Variants in RASGRP2 observed in about 807,000 individuals in gnomAD.
RASGRP2 encodes RAS guanyl-releasing protein 2.
A neutral mutation model predicts 71.0 loss-of-function variants in RASGRP2; 44 were observed. That is an observed-to-expected ratio of 0.62 (90% CI 0.49 to 0.80). The LOEUF (loss-of-function observed/expected upper bound fraction) is 0.80, where lower values mean the gene tolerates loss of function less well. Ranked by LOEUF, RASGRP2 falls within the 30% of genes least tolerant of loss-of-function variation. RASGRP2 has a pLI of 0.00. For synonymous variants in RASGRP2, 350 were observed against 330.7 expected (o/e 1.06, Z -0.63); for missense variants, 663 against 813.4 (o/e 0.82, Z 2.25).
At position 64,735,454 on chromosome 11, in the gene RASGRP2, T is replaced by A; in HGVS notation, c.1296+88A>T. On this transcript the variant is annotated intron_variant, in intron 11 of 16. Coordinates refer to ENST00000394432, the MANE Select transcript of RASGRP2 (RefSeq NM_001098671.2). This position sits in a 1 kb window ranked among gnomAD's most constrained non-coding sequence, Gnocchi z 4.2. ...CTCCTAGGGGCTGAGTGCTGGGTCT[T>A]GAACAGGACACTCGTGCTGGCTTCC... The A allele has an allele frequency of 6.2e-7, 1 of 1,603,766 alleles. No homozygotes were observed.
chr11:64,740,240 T>G, intron 5 of RASGRP2, 77 bp from the exon 6 acceptor site: 2 of 1,577,286 alleles, frequency 1.3e-6, no homozygotes, highest in Non-Finnish European at 8.7e-7. Flanking sequence ...AGACACACCA[T>G]TCACGCTTAC....
At chr11:64,734,601 G>A (rs1196932371) in intron 12 of RASGRP2, among the ~76,000 whole-genome samples, 1 of 152,100 alleles carries the variant, frequency 6.6e-6, no homozygotes, top group Non-Finnish European at 1.5e-5. Context: ...ACCTGAGATG[G>A]ACTTTAAATT....
chr11:64,739,041 G>A lies in RASGRP2; in HGVS notation c.813+319C>T, dbSNP rs768758507. 2.6e-5 allele frequency among the ~76,000 whole-genome samples: 4 copies of A among 151,946 alleles called. No homozygotes were observed. The highest frequency in any genetic ancestry group is 4.4e-5 in the Non-Finnish European group (3 of 67,972). ...TAGTCCCAGCTACTCAGGAGGCTGA[G>A]GTGGGAGGATCGATTGAGCTCAGGA... On this transcript the variant is annotated intron_variant, in intron 8 of 16. Transcript: ENST00000394432. This position sits in a 1 kb window ranked among gnomAD's most constrained non-coding sequence, Gnocchi z 4.2.
chr11:64,735,842 C>T lies in RASGRP2; in HGVS notation c.1173+61G>A, dbSNP rs2057917778. ...GTGGCTGCTAAGAGCTCTTCCCATC[C>T]TCACATCCTGGGATTCTCAGGAGGG... On this transcript the variant is annotated intron_variant, in intron 10 of 16. Coordinates refer to ENST00000394432, the MANE Select transcript of RASGRP2 (RefSeq NM_001098671.2). This position sits in a 1 kb window ranked among gnomAD's most constrained non-coding sequence, Gnocchi z 4.2. 6.4e-7 allele frequency: 1 copy of T among 1,553,098 alleles called. No homozygotes were observed. Among genetic ancestry groups the T allele is most frequent in the Admixed American group, 1.8e-5 (1 of 55,738 alleles).
At chr11:64,728,392 CA>C (rs1471147234) in intron 15 of RASGRP2, among the ~76,000 whole-genome samples, 1 of 152,158 alleles carries the variant, frequency 6.6e-6, no homozygotes, top group Non-Finnish European at 1.5e-5. Flanking sequence ...GCTTCCTGGC[CA>C]CTTTCTGGCA....
rs750349320 is a variant in RASGRP2 at position 64,735,401 on chromosome 11, C to G, written c.1296+141G>C. ...ACCCTACCCAGGGGCACTTCAGCCCCGTGCAGCTGGCCTGCCAGGCCCTGT... is the reference window on the plus strand; with the variant it reads ...ACCCTACCCAGGGGCACTTCAGCCCGGTGCAGCTGGCCTGCCAGGCCCTGT... On this transcript the variant is annotated intron_variant, in intron 11 of 16. Coordinates refer to ENST00000394432, the MANE Select transcript of RASGRP2 (RefSeq NM_001098671.2). The surrounding 1 kb of genome is among the most constrained non-coding windows in gnomAD (Gnocchi z 4.2). The G allele has an allele frequency of 1.3e-6, 2 of 1,500,440 alleles. No homozygotes were observed. The highest frequency in any genetic ancestry group is 9.2e-7 in the Non-Finnish European group (1 of 1,085,984). The allele number at this position is 1,500,440 out of a possible 1,614,324, so 92.9% of individuals were successfully genotyped here.
intron 15 of RASGRP2, 124 bp from the exon 16 acceptor site, chr11:64,727,484 C>T: frequency 1.3e-6 from 1 of 750,838 alleles, no homozygotes; most frequent in South Asian, 1.5e-5. Context: ...AAAATCAATT[C>T]CCTGCATGAC....
chr11:64,739,739 G>A lies in RASGRP2; in HGVS notation c.593C>T (p.Ser198Phe). The change falls in exon 7 of 17, where the codon TCC (serine) becomes TTC (phenylalanine). Residue 198 changes from serine (S) to phenylalanine (F), a missense_variant. By Grantham distance (155) the Ser-to-Phe change is radical. Transcript: ENST00000394432. This position sits in a 1 kb window ranked among gnomAD's most constrained non-coding sequence, Gnocchi z 4.2. ...VDNPVLERFI[S>F]LFNSVSQWVQ... ...CCACTGTGAGACGCTGTTGAAGAGGGAGATGAACCGCTCCAGGACGGGGTT... is the reference window on the plus strand; with the variant it reads ...CCACTGTGAGACGCTGTTGAAGAGGAAGATGAACCGCTCCAGGACGGGGTT... 13 of 1,613,958 alleles carry A rather than the reference G, an allele frequency of 8.1e-6. No homozygotes were observed. The highest frequency in any genetic ancestry group is 1.1e-5 in the Non-Finnish European group (13 of 1,179,934).
chr11:64,733,163 A>G, intron 12 of RASGRP2, among the ~76,000 whole-genome samples: 1 of 152,060 alleles, frequency 6.6e-6, no homozygotes, highest in East Asian at 1.9e-4. Context: ...GAAAAAAGAA[A>G]AAAGAGAACC....
chr11:64,743,225 C>T lies in RASGRP2; in HGVS notation c.-71-288G>A, dbSNP rs1333398284. On this transcript the variant is annotated intron_variant, in intron 1 of 16. Coordinates refer to ENST00000394432, the MANE Select transcript of RASGRP2 (RefSeq NM_001098671.2). The surrounding 1 kb of genome is among the most constrained non-coding windows in gnomAD (Gnocchi z 4.9). ...CCAGGACTGGCTGGCGCCCAGCCCC[C>T]CGCAGGGCGCCTTCTCCTCGCGCCC... The T allele has an allele frequency of 5.8e-6, 3 of 514,134 alleles. No individual in the cohort carries two copies. The highest frequency in any genetic ancestry group is 1.5e-5 in the South Asian group (1 of 65,030). 31.8% of individuals were successfully genotyped at this position (514,134 alleles called of 1,614,324 possible).
rs867738903 is a variant in RASGRP2 at position 64,740,491 on chromosome 11, G to A, written c.372-328C>T. Reference sequence around the variant, plus strand: ...CAGAAACACATGATCACAAAACAGCGTGACACATGTACAGAGGTCTTTGTA... The same window carrying A: ...CAGAAACACATGATCACAAAACAGCATGACACATGTACAGAGGTCTTTGTA... On this transcript the variant is annotated intron_variant, in intron 5 of 16. Transcript: ENST00000394432. 3.2e-5 allele frequency: 20 copies of A among 625,040 alleles called. No homozygotes were observed. The Middle Eastern group carries it at 7.6e-4, about 24-fold the overall frequency. The allele number at this position is 625,040 out of a possible 1,614,324, so 38.7% of individuals were successfully genotyped here.
intron 9 of RASGRP2, 110 bp from the exon 10 acceptor site, chr11:64,736,090 G>A: frequency 1.2e-6 from 1 of 843,572 alleles, no homozygotes; most frequent in East Asian, 2.5e-5. Flanking sequence ...CGGGTCAGAA[G>A]CTAGACTCAG....
chr11:64,741,608 C>T (rs2058125799), intron 3 of RASGRP2, 107 bp from the exon 4 acceptor site: 1 of 1,019,618 alleles, frequency 9.8e-7, no homozygotes, highest in Non-Finnish European at 1.5e-6. Context: ...AGGGATGGGG[C>T]TTGCGCTCTG....
intron 12 of RASGRP2, among the ~76,000 whole-genome samples, chr11:64,734,811 C>T (rs1030287900): frequency 6.6e-6 from 1 of 152,216 alleles, no homozygotes; most frequent in African/African-American, 2.4e-5. Context: ...GTTGCCCACA[C>T]TTCTTGACAG....
At chr11:64,738,853 A>G (rs796680665) in intron 8 of RASGRP2, among the ~76,000 whole-genome samples, 6 of 152,094 alleles carry the variant, frequency 3.9e-5, no homozygotes, top group African/African-American at 1.4e-4. Flanking sequence ...GCAAGGCACA[A>G]TGGCTCAAGC....
At chr11:64,733,860 T>C (rs909040808) in intron 12 of RASGRP2, among the ~76,000 whole-genome samples, 3 of 150,064 alleles carry the variant, frequency 2.0e-5, no homozygotes, top group African/African-American at 7.3e-5. Flanking sequence ...TTTCTTTTTT[T>C]TTTTTTTGAT....
chr11:64,736,815 C>A lies in RASGRP2; in HGVS notation c.1033G>T (p.Ala345Ser). ...KQLFSILEEL[A>S]MVTSLRPPVQ... ...GGTGGCCGCAGGCTGGTCACCATGG[C>A]CAGCTCCTCCAGGATGCTAAAGAGC... The change falls in exon 9 of 17, where the codon GCC becomes TCC. Residue 345 changes from alanine to serine, a missense_variant. By Grantham distance (99) the Ala-to-Ser change is moderately conservative (BLOSUM62 1). Coordinates refer to ENST00000394432, the MANE Select transcript of RASGRP2 (RefSeq NM_001098671.2). 1 of 1,611,242 alleles carries A rather than the reference C, an allele frequency of 6.2e-7. No individual in the cohort carries two copies. The highest frequency in any genetic ancestry group is 1.7e-5 in the Admixed American group (1 of 59,856).
Position 64,743,263 on chromosome 11 carries a change from C to A in RASGRP2, c.-71-326G>T, listed in dbSNP as rs1041386203. On this transcript the variant is annotated intron_variant, in intron 1 of 16. Transcript: ENST00000394432. The surrounding 1 kb of genome is among the most constrained non-coding windows in gnomAD (Gnocchi z 4.9). ...TCTCCTCGCGCCCTCTCCCCAGAGG[C>A]ACCTGCAGCACCCCGCAGCTCGGCT... 4.2e-6 allele frequency: 2 copies of A among 481,140 alleles called. No homozygotes were observed. The highest frequency in any genetic ancestry group is 2.0e-5 in the African/African-American group (1 of 51,020). The allele number at this position is 481,140 out of a possible 1,614,324, so 29.8% of individuals were successfully genotyped here.
intron 5 of RASGRP2, 200 bp from the exon 6 acceptor site, chr11:64,740,363 C>A: frequency 2.8e-6 from 2 of 723,982 alleles, no homozygotes; most frequent in South Asian, 1.5e-5. Context: ...TTATGAACAA[C>A]GTACTCTGTG....
Sources: allele counts gnomAD v4.1 joint callset (sites outside exome capture counted in the v4.1 genomes callset), GRCh38; gene constraint gnomAD v4.1.1; non-coding constraint Gnocchi (gnomAD v3.1); transcripts MANE v1.5; gene names NCBI Gene and HGNC (gene_info 2026-07-23, HGNC 2026-07-21).